Variants in RYR1 observed in about 807,000 individuals in gnomAD.
RYR1 encodes central core disease of muscle.
A neutral mutation model predicts 583.5 loss-of-function variants in RYR1; 342 were observed. That is an observed-to-expected ratio of 0.59 (90% confidence interval 0.54 to 0.64). The LOEUF is 0.64. Among genes scored for constraint, RYR1 ranks in the 30% least tolerant of loss-of-function variants. RYR1 has a pLI of 0.00. For missense variants in RYR1, 6,032 were observed against 6,917.2 expected (o/e 0.87, Z 4.54); for synonymous variants, 2,791 against 2,822.5 (o/e 0.99, Z 0.35).
chr19:38,529,183 T>G, intron 76 of RYR1, 126 bp downstream of exon 76: 1 of 921,916 alleles, frequency 1.1e-6, no homozygotes, highest in Non-Finnish European at 1.7e-6. Context: ...AGACGGATCT[T>G]TAAATATCAC....
rs1000856512 is a variant in RYR1 at position 38,565,901 on chromosome 19, G to T, written c.13437+130G>T. 28 of 1,095,830 alleles carry T rather than the reference G, an allele frequency of 2.6e-5. No individual in the cohort carries two copies. The highest frequency in any genetic ancestry group is 3.2e-5 in the Non-Finnish European group (27 of 843,600). The allele number at this position is 1,095,830 out of a possible 1,614,324, so 67.9% of individuals were successfully genotyped here. ...GGGGATGGGCACACGCACCCACGGA[G>T]GACGCACCCATGGAGGACGCACACG... On this transcript the variant is annotated intron_variant, in intron 91 of 105. Coordinates refer to ENST00000359596, the MANE Select transcript of RYR1 (RefSeq NM_000540.3). The surrounding 1 kb of genome is among the most constrained non-coding windows in gnomAD (Gnocchi z 4.7).
At chr19:38,487,579 C>T (rs2145552478) in intron 34 of RYR1, among the ~76,000 whole-genome samples, 1 of 152,056 alleles carries the variant, frequency 6.6e-6, no homozygotes, top group East Asian at 1.9e-4. Flanking sequence ...GTCTTGAACT[C>T]CTGACTTTGT....
Position 38,459,349 on chromosome 19 carries a change from G to A in RYR1, c.2360+11G>A, listed in dbSNP as rs372821884. ...CTCGGCTGGTGTCAAGTGAGAACTTGCCCCCACCCCACGGCCAGTCCTCAG... is the reference window on the plus strand; with the variant it reads ...CTCGGCTGGTGTCAAGTGAGAACTTACCCCCACCCCACGGCCAGTCCTCAG... On this transcript the variant is annotated intron_variant, in intron 19 of 105. Transcript: ENST00000359596. The A allele has an allele frequency of 2.5e-6, 4 of 1,613,406 alleles. No homozygotes were observed. Among genetic ancestry groups the A allele is most frequent in the Non-Finnish European group, 3.4e-6 (4 of 1,179,830 alleles).
At position 38,505,944 on chromosome 19, in the gene RYR1, C is replaced by G. The variant is rs1357730526; in HGVS notation, c.8539C>G (p.Gln2847Glu). 1 of 1,612,386 alleles carries G rather than the reference C, an allele frequency of 6.2e-7. No homozygotes were observed. The highest frequency in any genetic ancestry group is 8.5e-7 in the Non-Finnish European group (1 of 1,179,832). ...KKTRKISQSA[Q>E]TYDPREGYNP... is the part of the protein sequence containing the mutation. ...AACGCGGAAGATATCACAAAGTGCC[C>G]AGGTGAAGGCGGGGCCTGGGTGGAG... The change falls in exon 54 of 106, where the codon CAG (glutamine) becomes GAG (glutamate). Residue 2847 changes from glutamine to glutamate, a missense_variant and splice_region_variant. By Grantham distance (29) the Gln-to-Glu change is conservative. This residue lies in a region of RYR1 where 1,493 missense variants were observed against 1,715.5 expected (regional missense o/e 0.87). Transcript: ENST00000359596.
intron 99 of RYR1, 68 bp downstream of exon 99, chr19:38,578,272 C>A: frequency 6.5e-7 from 1 of 1,528,944 alleles, no homozygotes; most frequent in South Asian, 1.2e-5. Flanking sequence ...TTCCCAACGT[C>A]GGGTGTTCCT....
chr19:38,510,899 G>T (rs541351755), intron 60 of RYR1, 118 bp downstream of exon 60: 12 of 1,449,216 alleles, frequency 8.3e-6, no homozygotes, highest in Non-Finnish European at 1.1e-5. Context: ...CTGCAAAGGC[G>T]ATTGAAGGGT....
At chr19:38,528,028 G>A (rs1282728084) in intron 73 of RYR1, 1 of 619,434 alleles carries the variant, frequency 1.6e-6, no homozygotes, top group Non-Finnish European at 2.8e-6. Context: ...GGGCCTAGAG[G>A]AGATGCGTTG....
intron 73 of RYR1, 158 bp downstream of exon 73, chr19:38,527,942 C>CG (rs1555791008): frequency 2.0e-6 from 1 of 504,680 alleles, no homozygotes; most frequent in Non-Finnish European, 3.1e-6. Flanking sequence ...TAGAATGGAT[C>CG]GGGGGAGGGG....
intron 1 of RYR1, among the ~76,000 whole-genome samples, chr19:38,438,894 A>G (rs1255205380): frequency 6.6e-6 from 1 of 152,022 alleles, no homozygotes; most frequent in Non-Finnish European, 1.5e-5. Flanking sequence ...CTGGGATTAC[A>G]GGCGTGAGCC....
chr19:38,548,035 G>T (rs891333290), intron 88 of RYR1, among the ~76,000 whole-genome samples, 198 bp from the exon 89 acceptor site: 6 of 152,142 alleles, frequency 3.9e-5, no homozygotes, highest in Admixed American at 3.3e-4. Flanking sequence ...CTTTACTGGG[G>T]GAGGTGGGCA....
chr19:38,575,852 G>T, intron 96 of RYR1, 67 bp from the exon 97 acceptor site: 1 of 1,553,872 alleles, frequency 6.4e-7, no homozygotes, highest in South Asian at 1.1e-5. Flanking sequence ...ACCCTGTCGT[G>T]GCTGACAGCT....
At chr19:38,506,436 C>G (rs2960344) in intron 55 of RYR1, 35 bp from the exon 56 acceptor site, 2 of 1,613,576 alleles carry the variant, frequency 1.2e-6, no homozygotes, top group Non-Finnish European at 8.5e-7. Context: ...CTGGCATCCT[C>G]TGAATCTAGC....
Position 38,452,947 on chromosome 19 carries a change from T to G in RYR1, c.1373T>G (p.Leu458Trp), listed in dbSNP as rs767440045. The change falls in exon 13 of 106, where the codon TTG becomes TGG. Residue 458 changes from leucine (L) to tryptophan (W), a missense_variant. Transcript: ENST00000359596. ...IIYFEPPSEDLQHEEKQSKLR... is the reference protein window; with the variant it reads ...IIYFEPPSEDWQHEEKQSKLR... ...TACTTCGAGCCTCCCTCCGAGGACT[T>G]GCAGCACGAGGAGAAGCAGAGCAAG... is the stretch of plus-strand genomic sequence containing the variant. The G allele has an allele frequency of 6.2e-7, 1 of 1,613,984 alleles. No individual in the cohort carries two copies. The highest frequency in any genetic ancestry group is 8.5e-7 in the Non-Finnish European group (1 of 1,179,890).
intron 11 of RYR1, among the ~76,000 whole-genome samples, chr19:38,451,052 G>A (rs1187110213): frequency 6.6e-6 from 1 of 152,224 alleles, no homozygotes; most frequent in East Asian, 1.9e-4. Context: ...GTCAGTGTTG[G>A]CTCAGAAGGA....
intron 25 of RYR1, 146 bp from the exon 26 acceptor site, chr19:38,468,820 T>C: frequency 1.3e-6 from 1 of 789,526 alleles, no homozygotes; most frequent in Non-Finnish European, 2.1e-6. Flanking sequence ...ATGGAGACAC[T>C]GTGGGGTGAC....
At position 38,443,793 on chromosome 19, in the gene RYR1, AC is replaced by A. The variant is rs769064392; in HGVS notation, c.422del (p.Thr141LysfsTer61). ...CGATGTGGGACTGCAGGAGGACGCA[AC>A]AGGTGCAGCAGCTGGAGGGGATGGG... The part of the protein sequence containing the change: ...AFDVGLQEDA[T>X]GEACWWTMHP... On this transcript the variant is annotated frameshift_variant and splice_region_variant, in exon 5 of 106. Coordinates refer to ENST00000359596, the MANE Select transcript of RYR1 (RefSeq NM_000540.3). LOFTEE classifies it high-confidence loss of function. The A allele has an allele frequency of 6.2e-7, 1 of 1,614,094 alleles. No individual in the cohort carries two copies. The highest frequency in any genetic ancestry group is 1.7e-5 in the Admixed American group (1 of 60,016).
In RYR1 at chr19:38,496,408, G is replaced by A; in HGVS notation, c.6664-1G>A. The A allele has an allele frequency of 6.2e-7, 1 of 1,613,866 alleles. No individual in the cohort carries two copies. Among genetic ancestry groups the A allele is most frequent in the Non-Finnish European group, 8.5e-7 (1 of 1,180,024 alleles). On this transcript the variant is annotated splice_acceptor_variant, in intron 40 of 105. Transcript: ENST00000359596. LOFTEE classifies it high-confidence loss of function. This position sits in a 1 kb window ranked among gnomAD's most constrained non-coding sequence, Gnocchi z 4.8. ...GGCCCTGACCACCCTGCCTGTCCCA[G>A]GAGATCCGCTTCCCCAAGATGGTGA...
chr19:38,495,232 G>A (rs1969762291), intron 39 of RYR1, among the ~76,000 whole-genome samples: 1 of 152,132 alleles, frequency 6.6e-6, no homozygotes, highest in South Asian at 2.1e-4. Context: ...GTTGTGCTGT[G>A]GCTTCAGTGA....
chr19:38,585,190 T>C, intron 102 of RYR1, 91 bp downstream of exon 102: 1 of 1,461,452 alleles, frequency 6.8e-7, no homozygotes, highest in Non-Finnish European at 9.4e-7. Flanking sequence ...CCTGCATTCA[T>C]ACCCCATCTC....
Sources: allele counts gnomAD v4.1 joint callset (sites outside exome capture counted in the v4.1 genomes callset), GRCh38; gene constraint gnomAD v4.1.1; regional missense constraint gnomAD v4.1.1; non-coding constraint Gnocchi (gnomAD v3.1); transcripts MANE v1.5; gene names NCBI Gene and HGNC (gene_info 2026-07-23, HGNC 2026-07-21).